The following NIBAN3 variants were observed in gnomAD, a reference collection of about 807,000 sequenced individuals.
NIBAN3 encodes the protein niban apoptosis regulator 3.
In NIBAN3, 66 loss-of-function variants were observed where a neutral mutation model predicts 76.4. That is an observed-to-expected ratio of 0.86 (90% CI 0.71 to 1.06). The LOEUF (loss-of-function observed/expected upper bound fraction) is 1.06. NIBAN3 is among the 50% of genes least tolerant of loss of function. NIBAN3 has a pLI of 0.00. For synonymous variants in NIBAN3, 360 were observed against 355.2 expected (o/e 1.01, Z -0.15); for missense variants, 808 against 810.7 (o/e 1.00, Z 0.04).
chr19:17,534,344 G>A, intron 4 of NIBAN3, among the ~76,000 whole-genome samples: 1 of 152,016 alleles, frequency 6.6e-6, no homozygotes, highest in East Asian at 1.9e-4. Context: ...GTGAAACCTC[G>A]TCTCTACTAA....
At chr19:17,538,686 A>G (rs530642051) in intron 5 of NIBAN3, among the ~76,000 whole-genome samples, 5 of 117,162 alleles carry the variant, frequency 4.3e-5, no homozygotes, top group Non-Finnish European at 1.0e-4. Context: ...AGGAAAAAGA[A>G]AGGAAAGAAA....
chr19:17,540,933 G>A (rs1483367769), intron 9 of NIBAN3, among the ~76,000 whole-genome samples: 1 of 152,132 alleles, frequency 6.6e-6, no homozygotes, highest in Non-Finnish European at 1.5e-5. Context: ...TGGGGGTCTT[G>A]CTTTGTTGCC....
chr19:17,539,571 C>A, intron 7 of NIBAN3, 32 bp from the exon 8 acceptor site: 7 of 1,498,082 alleles, frequency 4.7e-6, no homozygotes, highest in Non-Finnish European at 6.3e-6. Context: ...CCCCGTGTCT[C>A]GGCTTTGTCC....
Position 17,553,375 on chromosome 19 carries a change from T to C in NIBAN3, c.*1477T>C. 1 of 1,614,244 alleles carries C rather than the reference T, an allele frequency of 6.2e-7. No individual in the cohort carries two copies. The highest frequency in any genetic ancestry group is 8.5e-7 in the Non-Finnish European group (1 of 1,180,058). Reference sequence around the variant, plus strand: ...GAGACAAGCTTTTACCGACTTCCTCTGCTTGCCAGCAAAGTCATCTGCTAA... The same window carrying C: ...GAGACAAGCTTTTACCGACTTCCTCCGCTTGCCAGCAAAGTCATCTGCTAA... On this transcript the variant is annotated 3_prime_UTR_variant, in exon 15 of 15. Coordinates refer to ENST00000599164, the MANE Select transcript of NIBAN3 (RefSeq NM_001321827.2).
chr19:17,538,415 T>TA (rs74658358), intron 5 of NIBAN3, among the ~76,000 whole-genome samples: 9,692 of 115,030 alleles, frequency 0.084, 457 homozygotes, highest in African/African-American at 0.13. Context: ...GACTCTGTCT[T>TA]AAAAAAAAAA....
At chr19:17,527,806 C>T (rs1433746000) in intron 1 of NIBAN3, among the ~76,000 whole-genome samples, 4 of 152,020 alleles carry the variant, frequency 2.6e-5, no homozygotes, top group African/African-American at 4.8e-5. Flanking sequence ...GCGATCCTCC[C>T]GCCTCAGCCC....
upstream of NIBAN3, chr19:17,523,566 G>A (rs561048172): frequency 1.5e-4 from 130 of 892,480 alleles, 1 homozygote; most frequent in African/African-American, 1.7e-3. Context: ...GAAGTGAAGG[G>A]AAATTGAGCT....
chr19:17,549,695 G>A (rs1174419446), intron 14 of NIBAN3, 168 bp downstream of exon 14: 2 of 676,950 alleles, frequency 3.0e-6, no homozygotes, highest in East Asian at 5.4e-5. Flanking sequence ...AACAAGCTCA[G>A]TGGGAAGTTG....
At chr19:17,523,770 G>A (rs760706916), upstream of NIBAN3, among the ~76,000 whole-genome samples, 2 of 152,064 alleles carry the variant, frequency 1.3e-5, no homozygotes, top group Non-Finnish European at 2.9e-5. Flanking sequence ...TCCCTGCAGC[G>A]CACCCACTTC....
chr19:17,537,447 C>A lies in NIBAN3; in HGVS notation c.499C>A (p.Pro167Thr). The A allele has an allele frequency of 6.2e-7, 1 of 1,614,032 alleles. No homozygotes were observed. Among genetic ancestry groups the A allele is most frequent in the Non-Finnish European group, 8.5e-7 (1 of 1,180,016 alleles). ...PVSFPLFLQH[P>T]FRRHLCFSAA... ...GAGCTTCCCGCTGTTCCTGCAGCAC[C>A]CCTTCCGCCGGCACCTCTGCTTCTC... Residue 167 changes from proline (P) to threonine (T), a missense_variant, in exon 5 of 15, where the codon CCC (proline) becomes ACC (threonine). Transcript: ENST00000599164.
Position 17,539,538 on chromosome 19 carries a change from G to T in NIBAN3, c.817-65G>T. 2.0e-6 allele frequency: 3 copies of T among 1,468,880 alleles called. 1 individual carries two copies. In the South Asian group the frequency reaches 4.1e-5, roughly 20 times the overall value. The allele number at this position is 1,468,880 out of a possible 1,614,324, so 91.0% of individuals were successfully genotyped here. A position where few individuals can be genotyped will look rare whatever the true frequency, so the allele number is the denominator to read the frequency against. On this transcript the variant is annotated intron_variant, in intron 7 of 14. Coordinates refer to ENST00000599164, the MANE Select transcript of NIBAN3 (RefSeq NM_001321827.2). Reference sequence around the variant, plus strand: ...ACGACTGTCGCCTAAACCCTCTCCCGATCTCTCTGACCCCCATCCCCGCCC... The same window carrying T: ...ACGACTGTCGCCTAAACCCTCTCCCTATCTCTCTGACCCCCATCCCCGCCC...
chr19:17,544,636 T>G (rs1242550502), intron 12 of NIBAN3, among the ~76,000 whole-genome samples: 1 of 152,184 alleles, frequency 6.6e-6, no homozygotes, highest in Non-Finnish European at 1.5e-5. Flanking sequence ...CCTGGTGTGT[T>G]GGAGGAACAG....
chr19:17,530,276 G>T (rs534950149), intron 1 of NIBAN3, among the ~76,000 whole-genome samples: 1 of 151,984 alleles, frequency 6.6e-6, no homozygotes, highest in Admixed American at 6.6e-5. Flanking sequence ...AGCTGTGATC[G>T]TGCCAGCGCA....
chr19:17,537,062 C>T (rs1461072863), intron 4 of NIBAN3, among the ~76,000 whole-genome samples: 1 of 152,180 alleles, frequency 6.6e-6, no homozygotes, highest in Non-Finnish European at 1.5e-5. Context: ...AGCCGGACGA[C>T]TCAGATAACA....
intron 8 of NIBAN3, 93 bp from the exon 9 acceptor site, chr19:17,540,299 C>T: frequency 2.2e-6 from 2 of 903,142 alleles, no homozygotes; most frequent in African/African-American, 1.7e-5. Flanking sequence ...GCTCAGCGTC[C>T]CTGCTCGCGT....
intron 1 of NIBAN3, among the ~76,000 whole-genome samples, 197 bp downstream of exon 1, chr19:17,527,592 G>A (rs1161398348): frequency 6.6e-6 from 1 of 152,156 alleles, no homozygotes; most frequent in African/African-American, 2.4e-5. Flanking sequence ...TGTTGCCCAA[G>A]CTGGAGTGCC....
At chr19:17,532,775 G>A (rs1363787634) in intron 3 of NIBAN3, among the ~76,000 whole-genome samples, 2 of 152,118 alleles carry the variant, frequency 1.3e-5, no homozygotes, top group African/African-American at 2.4e-5. Flanking sequence ...GGCTTTGAGG[G>A]TTCAACAAGA....
At chr19:17,539,111 G>A (rs751520911) in intron 5 of NIBAN3, 39 bp from the exon 6 acceptor site, 2 of 1,519,910 alleles carry the variant, frequency 1.3e-6, no homozygotes, top group South Asian at 1.2e-5. Flanking sequence ...AGCCAGGCAG[G>A]GGAGCTACCA....
upstream of NIBAN3, chr19:17,523,501 G>A (rs375934876): frequency 1.5e-5 from 23 of 1,534,526 alleles, no homozygotes; most frequent in Non-Finnish European, 2.0e-5. Context: ...GCTCAGCTGT[G>A]GGGCTGGTTG....
Sources: gnomAD v4.1 joint callset for allele counts (sites outside exome capture counted in the v4.1 genomes callset) on GRCh38, gnomAD v4.1.1 for gene constraint, MANE v1.5 for transcripts, NCBI Gene and HGNC (gene_info 2026-07-23, HGNC 2026-07-21) for gene names.